Variants in PIAS1 observed in about 807,000 individuals in gnomAD.
PIAS1 encodes the protein E3 SUMO-protein ligase PIAS1.
PIAS1 carries 6 observed loss-of-function variants against 71.3 expected under a neutral mutation model. That is an observed-to-expected ratio of 0.08 (90% CI 0.05 to 0.17). The LOEUF (loss-of-function observed/expected upper bound fraction) is 0.17. Ranked by LOEUF, PIAS1 falls within the 10% of genes least tolerant of loss-of-function variation. The probability of loss-of-function intolerance (pLI) is 1.00; values close to 1 mark genes in which losing one functional copy is unlikely to be tolerated. For synonymous variants in PIAS1, 303 were observed against 292.9 expected (o/e 1.03, Z -0.35); for missense variants, 555 against 793.6 (o/e 0.70, Z 3.61).
chr15:68,070,595 A>G (rs985169064), intron 1 of PIAS1, among the ~76,000 whole-genome samples: 2 of 152,198 alleles, frequency 1.3e-5, no homozygotes, highest in Non-Finnish European at 2.9e-5. Flanking sequence ...CTGTGTGGGT[A>G]TTGAGAACTT....
At chr15:68,181,465 C>T (rs1567080392) in intron 12 of PIAS1, 111 bp downstream of exon 12, 5 of 1,019,996 alleles carry the variant, frequency 4.9e-6, no homozygotes, top group Non-Finnish European at 5.8e-6. Context: ...GCCAACAGGG[C>T]CTTGGACCCA....
intron 1 of PIAS1, among the ~76,000 whole-genome samples, chr15:68,082,017 G>T (rs1488692655): frequency 6.6e-6 from 1 of 152,058 alleles, no homozygotes; most frequent in Non-Finnish European, 1.5e-5. Flanking sequence ...GAAGGATTAT[G>T]GGTCAGATTG....
intron 1 of PIAS1, among the ~76,000 whole-genome samples, chr15:68,069,467 C>T (rs888162581): frequency 2.4e-4 from 36 of 152,240 alleles, no homozygotes; most frequent in African/African-American, 8.4e-4. Context: ...GTTAAATGCT[C>T]ACACATCATT....
chr15:68,081,782 A>T (rs1375484758), intron 1 of PIAS1, among the ~76,000 whole-genome samples: 1 of 152,174 alleles, frequency 6.6e-6, no homozygotes, highest in African/African-American at 2.4e-5. Context: ...TGTCTGAATA[A>T]TAAGTGTATA....
intron 1 of PIAS1, among the ~76,000 whole-genome samples, chr15:68,067,388 C>G (rs960306247): frequency 1.3e-5 from 2 of 152,114 alleles, no homozygotes; most frequent in Non-Finnish European, 2.9e-5. Flanking sequence ...CACTGCATTG[C>G]CTGCTTTTCA....
intron 12 of PIAS1, among the ~76,000 whole-genome samples, chr15:68,183,039 A>G (rs1391889722): frequency 1.3e-5 from 2 of 152,232 alleles, no homozygotes; most frequent in Non-Finnish European, 2.9e-5. Flanking sequence ...GCCTCCTTGC[A>G]GTGAATCCTC....
At chr15:68,076,849 T>C (rs1278225420) in intron 1 of PIAS1, among the ~76,000 whole-genome samples, 1 of 152,122 alleles carries the variant, frequency 6.6e-6, no homozygotes, top group Non-Finnish European at 1.5e-5. Context: ...TGGAGATGAG[T>C]GTTTACCCTT....
chr15:68,095,307 C>T, intron 2 of PIAS1, among the ~76,000 whole-genome samples: 1 of 151,944 alleles, frequency 6.6e-6, no homozygotes, highest in East Asian at 1.9e-4. Flanking sequence ...CCGTGCTTCG[C>T]TCAGCCTCCT....
chr15:68,078,323 C>T (rs568402078), intron 1 of PIAS1, among the ~76,000 whole-genome samples: 1 of 152,248 alleles, frequency 6.6e-6, no homozygotes, highest in African/African-American at 2.4e-5. Context: ...TGCACAGTTC[C>T]TTCTTACCTT....
chr15:68,176,643 A>G lies in PIAS1; in HGVS notation c.1470A>G (p.Leu490=), dbSNP rs1365715202. ...CTTCCCTATCTCCCACATCACCACT[A>G]AATAATAAAGGGTAAGTGCTGAGAC... The part of the protein sequence containing the change: ...TCPSLSPTSP[L]NNKGILSLPH... The change falls in exon 11 of 14, where the codon CTA becomes CTG. Residue 490 remains leucine, a synonymous_variant. Coordinates refer to ENST00000249636, the MANE Select transcript of PIAS1 (RefSeq NM_016166.3). 1 of 1,586,306 alleles carries G rather than the reference A, an allele frequency of 6.3e-7. No homozygotes were observed. Among genetic ancestry groups the G allele is most frequent in the Middle Eastern group, 1.7e-4 (1 of 5,912 alleles).
chr15:68,104,687 G>T (rs762619966), intron 2 of PIAS1, among the ~76,000 whole-genome samples: 3 of 152,160 alleles, frequency 2.0e-5, no homozygotes, highest in Non-Finnish European at 4.4e-5. Context: ...CAGAAGAGAA[G>T]ATATGATGTG....
intron 2 of PIAS1, among the ~76,000 whole-genome samples, chr15:68,114,102 A>G (rs2092545634): frequency 6.6e-6 from 1 of 152,000 alleles, no homozygotes; most frequent in South Asian, 2.1e-4. Context: ...ATAAGGTATA[A>G]AAAGCAAATT....
intron 1 of PIAS1, chr15:68,057,417 A>G (rs932429078): frequency 5.0e-6 from 2 of 400,036 alleles, no homozygotes; most frequent in Non-Finnish European, 9.6e-6. Flanking sequence ...GTAATTTAAA[A>G]AAAAATATGT....
chr15:68,164,151 A>G (rs2092941893), intron 7 of PIAS1, among the ~76,000 whole-genome samples: 1 of 152,166 alleles, frequency 6.6e-6, no homozygotes, highest in African/African-American at 2.4e-5. Context: ...AGGAGGATTG[A>G]CTTGCCTAAG....
At chr15:68,103,521 T>A (rs2092445889) in intron 2 of PIAS1, among the ~76,000 whole-genome samples, 1 of 152,158 alleles carries the variant, frequency 6.6e-6, no homozygotes, top group Non-Finnish European at 1.5e-5. Flanking sequence ...TTTTACTATA[T>A]CCACAGAGTT....
intron 1 of PIAS1, among the ~76,000 whole-genome samples, chr15:68,064,734 C>T (rs2091998339): frequency 6.6e-6 from 1 of 152,088 alleles, no homozygotes; most frequent in Non-Finnish European, 1.5e-5. Context: ...CCTTTATATT[C>T]TTCATCCAAA....
At chr15:68,055,758 AT>A in intron 1 of PIAS1, 1 of 536,840 alleles carries the variant, frequency 1.9e-6, no homozygotes, top group East Asian at 2.9e-5. Context: ...AATAAAAATT[AT>A]TTAATTTTTT....
At chr15:68,094,883 C>T (rs2092361138) in intron 2 of PIAS1, among the ~76,000 whole-genome samples, 1 of 152,182 alleles carries the variant, frequency 6.6e-6, no homozygotes, top group Non-Finnish European at 1.5e-5. Context: ...CCTGCTAAGT[C>T]GTACATTCCT....
intron 2 of PIAS1, among the ~76,000 whole-genome samples, chr15:68,135,679 C>A (rs2092727643): frequency 1.4e-5 from 1 of 70,320 alleles, no homozygotes; most frequent in Admixed American, 1.3e-4. Context: ...CTGACCCCCA[C>A]CTCCCTCCCG....
Sources: gnomAD v4.1 joint callset for allele counts (sites outside exome capture counted in the v4.1 genomes callset) on GRCh38, gnomAD v4.1.1 for gene constraint, MANE v1.5 for transcripts, NCBI Gene and HGNC (gene_info 2026-07-23, HGNC 2026-07-21) for gene names.